TBCD: variants seen among roughly 807,000 people sequenced by gnomAD.
TBCD encodes tubulin-specific chaperone D.
In TBCD, 105 loss-of-function variants were observed where a neutral mutation model predicts 169.3. The observed-to-expected ratio is 0.62, with a 90% CI of 0.53 to 0.73. The LOEUF is 0.73. Ranked by LOEUF, TBCD falls within the 30% of genes least tolerant of loss-of-function variation. The pLI is 0.00. For synonymous variants in TBCD, 700 were observed against 643.9 expected (o/e 1.09, Z -1.32); for missense variants, 1,444 against 1,600.1 (o/e 0.90, Z 1.66).
intron 13 of TBCD, among the ~76,000 whole-genome samples, chr17:82,868,386 C>T (rs1284973151): frequency 6.6e-6 from 1 of 152,148 alleles, no homozygotes; most frequent in Admixed American, 6.5e-5. Context: ...CCCGGAATGT[C>T]CTGCTGCTCC....
intron 34 of TBCD, among the ~76,000 whole-genome samples, chr17:82,933,266 G>A (rs1410396625): frequency 7.1e-6 from 1 of 140,710 alleles, no homozygotes; most frequent in African/African-American, 2.6e-5. Flanking sequence ...CACCGTGTTG[G>A]GCCAGTCTTT....
At chr17:82,843,059 T>C (rs140630957) in intron 13 of TBCD, among the ~76,000 whole-genome samples, 23,352 of 152,118 alleles carry the variant, frequency 0.15, 2,023 homozygotes, top group Admixed American at 0.22. Flanking sequence ...GGATTACAGG[T>C]GTGAGCCACC....
chr17:82,806,918 C>T lies in TBCD; in HGVS notation c.1088-690C>T, dbSNP rs574258690. Among the ~76,000 whole-genome samples the T allele has an allele frequency of 5.9e-5, 9 of 152,342 alleles. No individual in the cohort carries two copies. Among genetic ancestry groups the T allele is most frequent in the African/African-American group, 1.7e-4 (7 of 41,586 alleles). ...CCCGGGCGGGGCCCTGGGTCTGCCC[C>T]TTCCCCGTGTCCGCAGCCTGCCCCA... On this transcript the variant is annotated intron_variant, in intron 10 of 38. Transcript: ENST00000355528. The surrounding 1 kb of genome is among the most constrained non-coding windows in gnomAD (Gnocchi z 5.1).
At chr17:82,850,964 A>G (rs1567890147) in intron 13 of TBCD, among the ~76,000 whole-genome samples, 1 of 152,258 alleles carries the variant, frequency 6.6e-6, no homozygotes, top group African/African-American at 2.4e-5. Context: ...GTGTGCACAT[A>G]CAATATTTCA....
chr17:82,870,106 C>T (rs892158873), intron 13 of TBCD, 118 bp from the exon 14 acceptor site: 22 of 1,393,430 alleles, frequency 1.6e-5, no homozygotes, highest in Admixed American at 8.3e-5. Flanking sequence ...GTGTCGCTTG[C>T]GTGCCTCACT....
rs772954535 is a variant in TBCD, at chr17:82,782,175, G to A, written c.771+454G>A. ...CCTGGCCTCTGCCTGCAGGTGCCTG[G>A]TTAGTGCCCTGGCTGCAGCCCTTTG... On this transcript the variant is annotated intron_variant, in intron 7 of 38. Coordinates refer to ENST00000355528, the MANE Select transcript of TBCD (RefSeq NM_005993.5). The surrounding 1 kb of genome is among the most constrained non-coding windows in gnomAD (Gnocchi z 5.1). Among the ~76,000 whole-genome samples, 1 of 152,236 alleles carries A rather than the reference G, an allele frequency of 6.6e-6. No individual in the cohort carries two copies. The highest frequency in any genetic ancestry group is 1.5e-5 in the Non-Finnish European group (1 of 68,042).
At chr17:82,787,082 A>T (rs2049371281) in intron 7 of TBCD, among the ~76,000 whole-genome samples, 1 of 152,158 alleles carries the variant, frequency 6.6e-6, no homozygotes, top group Non-Finnish European at 1.5e-5. Context: ...GTTGAGGTGG[A>T]GAGACATTCG....
At chr17:82,804,961 C>T (rs895929236) in intron 9 of TBCD, among the ~76,000 whole-genome samples, 2 of 152,334 alleles carry the variant, frequency 1.3e-5, no homozygotes, top group African/African-American at 4.8e-5. Flanking sequence ...GCCGCCAAAG[C>T]CTAAGCTGTT....
chr17:82,850,028 CTGTGCTGTTGTTGGCTGTGCTGT>C (rs1419433116), intron 13 of TBCD, among the ~76,000 whole-genome samples: 4,274 of 123,004 alleles, frequency 0.035, 313 homozygotes, highest in South Asian at 0.077. Flanking sequence ...CTGTTGTTGG[CTGTGCTGTTGTTGGCTGTGCTGT>C]TGTTGGCTGT....
chr17:82,779,675 T>C (rs72854352), intron 6 of TBCD, among the ~76,000 whole-genome samples: 2,701 of 152,264 alleles, frequency 0.018, 34 homozygotes, highest in Non-Finnish European at 0.027. Context: ...CACGGAAGCA[T>C]GGAGCCGGCT....
intron 13 of TBCD, among the ~76,000 whole-genome samples, chr17:82,839,570 A>G (rs1406843162): frequency 6.6e-6 from 1 of 152,258 alleles, no homozygotes; most frequent in African/African-American, 2.4e-5. Context: ...ACACATATAT[A>G]TATGACCCTT....
intron 32 of TBCD, chr17:82,929,832 A>G (rs1357077151): frequency 4.2e-6 from 2 of 475,558 alleles, no homozygotes; most frequent in Non-Finnish European, 7.7e-6. Flanking sequence ...GGGCTCCATC[A>G]GGTTCTAGAT....
At chr17:82,873,448 T>C (rs11655504) in intron 14 of TBCD, among the ~76,000 whole-genome samples, 79,269 of 151,922 alleles carry the variant, frequency 0.52, 21,520 homozygotes, top group East Asian at 0.71. Flanking sequence ...CTGATCCCAC[T>C]GGAGGGTGAC....
In TBCD at chr17:82,925,716, G is replaced by T. The variant is rs532407604; in HGVS notation, c.2379+659G>T. Among the ~76,000 whole-genome samples, 11 of 152,292 alleles carry T rather than the reference G, an allele frequency of 7.2e-5. No individual in the cohort carries two copies. The South Asian group carries it at 1.2e-3, about 17-fold the overall frequency. On this transcript the variant is annotated intron_variant, in intron 27 of 38. Coordinates refer to ENST00000355528, the MANE Select transcript of TBCD (RefSeq NM_005993.5). Reference sequence around the variant, plus strand: ...GCAGCCGCCATGCCATCTAAAACTCGCATGTGGGGGTTTATCCAGTTGAAA... The same window carrying T: ...GCAGCCGCCATGCCATCTAAAACTCTCATGTGGGGGTTTATCCAGTTGAAA...
At chr17:82,909,190 C>A in intron 21 of TBCD, 95 bp from the exon 22 acceptor site, 1 of 1,078,740 alleles carries the variant, frequency 9.3e-7, no homozygotes. Context: ...CATCTTCTGC[C>A]ATTTTCTCTT....
At chr17:82,770,017 C>T (rs759409661) in intron 5 of TBCD, among the ~76,000 whole-genome samples, 1 of 152,048 alleles carries the variant, frequency 6.6e-6, no homozygotes, top group Admixed American at 6.6e-5. Context: ...GAGAAGGCAA[C>T]AGGCATAAAA....
chr17:82,939,546 T>A, intron 37 of TBCD, 70 bp downstream of exon 37: 1 of 1,240,374 alleles, frequency 8.1e-7, no homozygotes, highest in Non-Finnish European at 1.2e-6. Flanking sequence ...CCACCGTGTC[T>A]ACTCGTCTCT....
In TBCD at chr17:82,827,741, G is replaced by A. The variant is rs573517149; in HGVS notation, c.1318+12807G>A. On this transcript the variant is annotated intron_variant, in intron 13 of 38. Transcript: ENST00000355528. ...TGCATACACCCACAGATACACACAC[G>A]TGCACACCCGTACAATCGAATGCAC... 2.7e-5 allele frequency among the ~76,000 whole-genome samples: 4 copies of A among 147,324 alleles called. No homozygotes were observed. In the South Asian group the frequency reaches 8.7e-4, roughly 32 times the overall value.
chr17:82,790,211 C>T (rs1598504938), intron 7 of TBCD, among the ~76,000 whole-genome samples: 1 of 152,180 alleles, frequency 6.6e-6, no homozygotes, highest in African/African-American at 2.4e-5. Context: ...GACTACCCTC[C>T]CGCCTCTCCT....
Sources: gnomAD v4.1 joint callset for allele counts (sites outside exome capture counted in the v4.1 genomes callset) on GRCh38, gnomAD v4.1.1 for gene constraint, Gnocchi (gnomAD v3.1) non-coding constraint, MANE v1.5 for transcripts, NCBI Gene and HGNC (gene_info 2026-07-23, HGNC 2026-07-21) for gene names.